Variants in ANKRD12 observed in about 807,000 individuals in gnomAD.
ANKRD12 encodes ankyrin repeat domain 12.
A neutral mutation model predicts 183.4 loss-of-function variants in ANKRD12; 85 were observed. The observed-to-expected ratio is 0.46, with a 90% CI of 0.39 to 0.56. ANKRD12 has a LOEUF of 0.56. ANKRD12 is among the 20% of genes least tolerant of loss of function. ANKRD12 has a pLI of 0.00. For missense variants in ANKRD12, 2,405 were observed against 2,357.1 expected (o/e 1.02, Z -0.42); for synonymous variants, 914 against 800.2 (o/e 1.14, Z -2.40).
chr18:9,249,296 T>C (rs1049832861), intron 8 of ANKRD12, among the ~76,000 whole-genome samples: 9 of 152,166 alleles, frequency 5.9e-5, no homozygotes, highest in African/African-American at 2.2e-4. Flanking sequence ...CCGAACATAA[T>C]ATAACATATA....
chr18:9,240,913 G>A (rs1016602939), intron 8 of ANKRD12, among the ~76,000 whole-genome samples: 4 of 152,064 alleles, frequency 2.6e-5, no homozygotes, highest in African/African-American at 7.2e-5. Flanking sequence ...ACAGTAAATT[G>A]TACTATTATA....
chr18:9,166,092 T>G (rs896178409), intron 1 of ANKRD12, among the ~76,000 whole-genome samples: 1 of 152,094 alleles, frequency 6.6e-6, no homozygotes, highest in Non-Finnish European at 1.5e-5. Flanking sequence ...GGTGTATATG[T>G]GCCACATTTT....
chr18:9,214,378 ATAT>A (rs1489577510), intron 6 of ANKRD12, among the ~76,000 whole-genome samples: 36 of 152,150 alleles, frequency 2.4e-4, no homozygotes, highest in Non-Finnish European at 8.8e-5. Context: ...ACTGTAGTAC[ATAT>A]TATACTCCTG....
chr18:9,269,352 C>T (rs1415116910), intron 10 of ANKRD12, among the ~76,000 whole-genome samples: 2 of 152,220 alleles, frequency 1.3e-5, no homozygotes, highest in South Asian at 2.1e-4. Context: ...AGGCATCACA[C>T]TACCTGACTT....
Position 9,204,499 on chromosome 18 carries a change from G to A in ANKRD12, c.259G>A (p.Glu87Lys). 6.2e-7 allele frequency: 1 copy of A among 1,603,714 alleles called. No homozygotes were observed. The highest frequency in any genetic ancestry group is 2.2e-5 in the East Asian group (1 of 44,546). The change falls in exon 4 of 13, where the codon GAA becomes AAA. Residue 87 changes from glutamate to lysine, a missense_variant. Physicochemically the swap from Glu to Lys is moderately conservative, Grantham distance 56. Around this residue, in one of 7 missense-constraint regions of ANKRD12, gnomAD observed 145 missense variants for 145.6 expected, o/e 1.00. Transcript: ENST00000262126. ...DTDSDPGHTSENWGERLISSY... is the reference protein window; with the variant it reads ...DTDSDPGHTSKNWGERLISSY... ...AGATTCAGATCCAGGACATACAAGT[G>A]AAAATTGGGGGGAGAGACTTATATC...
chr18:9,139,448 A>T (rs1482222708), intron 1 of ANKRD12, among the ~76,000 whole-genome samples: 5 of 152,184 alleles, frequency 3.3e-5, no homozygotes, highest in Non-Finnish European at 7.4e-5. Context: ...AAAAAAAAAT[A>T]AGTGATTTTT....
At chr18:9,163,947 C>G (rs2031746357) in intron 1 of ANKRD12, among the ~76,000 whole-genome samples, 1 of 152,148 alleles carries the variant, frequency 6.6e-6, no homozygotes, top group African/African-American at 2.4e-5. Flanking sequence ...ATGTGATTTT[C>G]TAGATATAGG....
intron 8 of ANKRD12, among the ~76,000 whole-genome samples, chr18:9,240,539 A>G (rs760081190): frequency 3.3e-5 from 5 of 152,192 alleles, no homozygotes; most frequent in Admixed American, 6.5e-5. Flanking sequence ...TTAATTGCCA[A>G]AGTAGAGGTT....
intron 1 of ANKRD12, among the ~76,000 whole-genome samples, chr18:9,153,873 T>A (rs2029975876): frequency 6.6e-6 from 1 of 152,208 alleles, no homozygotes; most frequent in African/African-American, 2.4e-5. Context: ...TTGGCTTATC[T>A]ATTATATACC....
At chr18:9,157,596 T>TATA (rs1442858308) in intron 1 of ANKRD12, among the ~76,000 whole-genome samples, 1 of 133,550 alleles carries the variant, frequency 7.5e-6, no homozygotes, top group African/African-American at 2.6e-5. Flanking sequence ...TATATATATA[T>TATA]ATATGTATTT....
At chr18:9,181,497 C>G (rs2033697771) in intron 1 of ANKRD12, among the ~76,000 whole-genome samples, 1 of 152,180 alleles carries the variant, frequency 6.6e-6, no homozygotes, top group Non-Finnish European at 1.5e-5. Flanking sequence ...TGTTGTAGCC[C>G]AAGTAATACT....
intron 1 of ANKRD12, among the ~76,000 whole-genome samples, chr18:9,156,792 G>C (rs1051236918): frequency 2.0e-5 from 3 of 152,182 alleles, no homozygotes; most frequent in African/African-American, 7.2e-5. Flanking sequence ...AGTATTGGCT[G>C]TGTAGAGAGC....
chr18:9,176,021 G>T (rs1184985221), intron 1 of ANKRD12, among the ~76,000 whole-genome samples: 2 of 152,264 alleles, frequency 1.3e-5, no homozygotes, highest in East Asian at 3.9e-4. Context: ...TTGTATTGCA[G>T]TCACCTCAGC....
chr18:9,208,725 A>C lies in ANKRD12; in HGVS notation c.373A>C (p.Ile125Leu). The C allele has an allele frequency of 5.0e-6, 8 of 1,611,318 alleles. No homozygotes were observed. Among genetic ancestry groups the C allele is most frequent in the Non-Finnish European group, 6.8e-6 (8 of 1,178,570 alleles). ...AGNKKSTPVS[I>L]LFGYPLSERK... ...AAATAAGAAATCCACACCAGTTAGC[A>C]TTCTTTTTGGTTATCCACTCTCTGA... is the stretch of plus-strand genomic sequence containing the variant. The change falls in exon 5 of 13, where the codon ATT becomes CTT. Residue 125 changes from isoleucine to leucine, a missense_variant. Physicochemically the swap from Ile to Leu is conservative, Grantham distance 5. Around this residue, in one of 7 missense-constraint regions of ANKRD12, gnomAD observed 145 missense variants for 145.6 expected, o/e 1.00. Transcript: ENST00000262126.
chr18:9,231,568 C>T (rs1423315012), intron 8 of ANKRD12, among the ~76,000 whole-genome samples: 2 of 151,840 alleles, frequency 1.3e-5, no homozygotes, highest in Non-Finnish European at 2.9e-5. Context: ...TGGCTCGAGC[C>T]TGTAATCCCA....
chr18:9,191,815 T>G (rs2034473644), intron 2 of ANKRD12, among the ~76,000 whole-genome samples: 1 of 152,094 alleles, frequency 6.6e-6, no homozygotes, highest in Non-Finnish European at 1.5e-5. Flanking sequence ...TTTGTTGGGC[T>G]CTCACACTCT....
intron 4 of ANKRD12, among the ~76,000 whole-genome samples, chr18:9,204,869 A>G (rs539660825): frequency 6.6e-6 from 1 of 152,182 alleles, no homozygotes; most frequent in Non-Finnish European, 1.5e-5. Flanking sequence ...AGTGACTCCT[A>G]TGGGAAGATC....
intron 7 of ANKRD12, among the ~76,000 whole-genome samples, chr18:9,217,383 A>G (rs2036169424): frequency 6.6e-6 from 1 of 152,192 alleles, no homozygotes; most frequent in African/African-American, 2.4e-5. Flanking sequence ...TTTAAATTAT[A>G]TGATAAATAA....
At chr18:9,204,108 G>A (rs1004558119) in intron 3 of ANKRD12, among the ~76,000 whole-genome samples, 4 of 152,174 alleles carry the variant, frequency 2.6e-5, no homozygotes, top group African/African-American at 9.7e-5. Flanking sequence ...AACAAAAAGT[G>A]TAAGACAAGT....
Sources: gnomAD v4.1 joint callset for allele counts (sites outside exome capture counted in the v4.1 genomes callset) on GRCh38, gnomAD v4.1.1 for gene constraint, gnomAD v4.1.1 regional missense constraint, MANE v1.5 for transcripts, NCBI Gene and HGNC (gene_info 2026-07-23, HGNC 2026-07-21) for gene names.